The following EPB42 variants were observed in gnomAD, a reference collection of about 807,000 sequenced individuals.
EPB42 encodes erythrocyte membrane protein band 4.2.
In EPB42, 49 loss-of-function variants were observed where a neutral mutation model predicts 76.9. That is an observed-to-expected ratio of 0.64 (90% CI 0.51 to 0.81). EPB42 has a LOEUF of 0.81. Among genes scored for constraint, EPB42 ranks in the 30% least tolerant of loss-of-function variants. The probability of loss-of-function intolerance (pLI) is 0.00; values close to 1 mark genes in which losing one functional copy is unlikely to be tolerated. For missense variants in EPB42, 731 were observed against 867.6 expected, an observed-to-expected ratio of 0.84 and a Z score of 1.98; for synonymous variants, 310 against 338.4, an observed-to-expected ratio of 0.92 and a Z score of 0.92.
At chr15:43,224,257 T>C (rs1041729852), upstream of EPB42, among the ~76,000 whole-genome samples, 1 of 152,208 alleles carries the variant, frequency 6.6e-6, no homozygotes, top group Non-Finnish European at 1.5e-5. Context: ...TCCTATTGGA[T>C]TGAAGCCCAT....
intron 12 of EPB42, among the ~76,000 whole-genome samples, chr15:43,199,998 T>G (rs2042103654): frequency 6.6e-6 from 1 of 152,222 alleles, no homozygotes; most frequent in Non-Finnish European, 1.5e-5. Flanking sequence ...GGGTATGTCT[T>G]TATCAGCAGC....
chr15:43,216,208 G>A (rs2042376207), intron 2 of EPB42, 60 bp downstream of exon 2: 3 of 1,595,778 alleles, frequency 1.9e-6, no homozygotes, highest in Non-Finnish European at 2.6e-6. Flanking sequence ...ACAGGGTGCT[G>A]GAGAGAACAG....
intron 3 of EPB42, among the ~76,000 whole-genome samples, chr15:43,212,011 GAGC>G (rs1345784831): frequency 6.6e-6 from 1 of 151,976 alleles, no homozygotes; most frequent in Non-Finnish European, 1.5e-5. Context: ...AGGTTGCAAT[GAGC>G]TATGATGGTG....
chr15:43,202,988 C>G, intron 11 of EPB42, 127 bp downstream of exon 11: 1 of 1,215,464 alleles, frequency 8.2e-7, no homozygotes. Context: ...GGAAGGAGCT[C>G]TTAAATGTAG....
In EPB42 at chr15:43,211,675, A is replaced by T. The variant is rs1596413262; in HGVS notation, c.431-141T>A. The stretch of plus-strand genomic sequence containing the variant: ...CTGGGCCTAATGAAGACTGAGGAGG[A>T]AGTCCCTCTTTCACTGCCCCCACTG... On this transcript the variant is annotated intron_variant, in intron 3 of 12. Coordinates refer to ENST00000441366, the MANE Select transcript of EPB42 (RefSeq NM_001114134.2). 10 of 719,696 alleles carry T rather than the reference A, an allele frequency of 1.4e-5. No homozygotes were observed. The East Asian group carries it at 2.6e-4, about 19-fold the overall frequency. The allele number at this position is 719,696 out of a possible 1,614,324, so 44.6% of individuals were successfully genotyped here. A position where few individuals can be genotyped will look rare whatever the true frequency, so the allele number is the denominator to read the frequency against.
chr15:43,211,276 G>A (rs1391812097), intron 4 of EPB42, 140 bp downstream of exon 4: 3 of 756,350 alleles, frequency 4.0e-6, no homozygotes, highest in Non-Finnish European at 7.4e-6. Context: ...AGAGGAAGGA[G>A]AGGCACCACA....
Position 43,203,192 on chromosome 15 carries a change from C to A in EPB42, c.1702G>T (p.Ala568Ser). The A allele has an allele frequency of 6.2e-7, 1 of 1,613,830 alleles. No individual in the cohort carries two copies. The highest frequency in any genetic ancestry group is 8.5e-7 in the Non-Finnish European group (1 of 1,179,936). ...CTAAGGTTGGATTCAGAGTGTGTTG[C>A]CATGGCGGTGAGTCTAAGGAAGGTG... is the stretch of plus-strand genomic sequence containing the variant. ...ENTFLRLTAM[A>S]THSESNLSCF... Residue 568 changes from alanine (A) to serine (S), a missense_variant, in exon 11 of 13, where the codon GCA (alanine) becomes TCA (serine). Transcript: ENST00000441366.
At chr15:43,223,300 AGAGT>A (rs1486072935), upstream of EPB42, among the ~76,000 whole-genome samples, 1 of 152,254 alleles carries the variant, frequency 6.6e-6, no homozygotes, top group Non-Finnish European at 1.5e-5. Flanking sequence ...CCTGGGCCAC[AGAGT>A]GAGAATCCGT....
At chr15:43,208,118 C>T in intron 8 of EPB42, 112 bp downstream of exon 8, 2 of 891,378 alleles carry the variant, frequency 2.2e-6, no homozygotes, top group Non-Finnish European at 3.6e-6. Context: ...CGTGCTTCTA[C>T]TGTTTTCGAG....
chr15:43,213,750 C>T (rs1596415397), intron 3 of EPB42, among the ~76,000 whole-genome samples: 1 of 152,250 alleles, frequency 6.6e-6, no homozygotes, highest in Admixed American at 6.5e-5. Flanking sequence ...CATTCAACCA[C>T]GTGGGGCACC....
At position 43,206,041 on chromosome 15, in the gene EPB42, A is replaced by T; in HGVS notation, c.1618+289T>A. ...GGGCAGCTTATTCCAGCCTGGGGGG[A>T]GGTGCTCTCCTGCCACTGTACTCTG... is the stretch of plus-strand genomic sequence containing the variant. On this transcript the variant is annotated intron_variant, in intron 10 of 12. Transcript: ENST00000441366. This position sits in a 1 kb window ranked among gnomAD's most constrained non-coding sequence, Gnocchi z 4.7. 3.0e-6 allele frequency: 1 copy of T among 332,032 alleles called. No individual in the cohort carries two copies. Among genetic ancestry groups the T allele is most frequent in the Non-Finnish European group, 5.5e-6 (1 of 180,700 alleles). 20.6% of individuals were successfully genotyped at this position (332,032 alleles called of 1,614,324 possible). A position where few individuals can be genotyped will look rare whatever the true frequency, so the allele number is the denominator to read the frequency against.
At chr15:43,213,594 G>A (rs1249707643) in intron 3 of EPB42, among the ~76,000 whole-genome samples, 1 of 152,144 alleles carries the variant, frequency 6.6e-6, no homozygotes, top group Non-Finnish European at 1.5e-5. Flanking sequence ...TCTTTATGGC[G>A]GTCACCAGGG....
Position 43,210,325 on chromosome 15 carries a change from T to C in EPB42, c.654+10A>G, listed in dbSNP as rs1158672550. On this transcript the variant is annotated intron_variant, in intron 5 of 12. Transcript: ENST00000441366. ...CCTGCCCCATTCTGGTTCCCCAGCC[T>C]CTCGCTTACCAAGGCACCCAACACA... 5.6e-6 allele frequency: 9 copies of C among 1,612,422 alleles called. No homozygotes were observed. The highest frequency in any genetic ancestry group is 5.1e-6 in the Non-Finnish European group (6 of 1,179,372).
chr15:43,225,612 CGT>C (rs2042501101), upstream of EPB42, among the ~76,000 whole-genome samples: 1 of 152,108 alleles, frequency 6.6e-6, no homozygotes, highest in Non-Finnish European at 1.5e-5. Context: ...TCTATAGACG[CGT>C]CTCTGCCACC....
At chr15:43,202,605 T>C (rs940912750) in intron 11 of EPB42, among the ~76,000 whole-genome samples, 8 of 152,200 alleles carry the variant, frequency 5.3e-5, no homozygotes, top group Admixed American at 3.3e-4. Flanking sequence ...CTAACTAAAC[T>C]ATAACCTGCT....
intron 12 of EPB42, among the ~76,000 whole-genome samples, chr15:43,198,240 T>C (rs1311732873): frequency 6.6e-6 from 1 of 152,060 alleles, no homozygotes; most frequent in East Asian, 1.9e-4. Flanking sequence ...CAGAAGAAGA[T>C]GAAAATGTGG....
rs2042454721 is a variant in EPB42, at chr15:43,221,016, C to T, written c.-191G>A. The T allele has an allele frequency of 1.6e-6, 1 of 634,634 alleles. No individual in the cohort carries two copies. The highest frequency in any genetic ancestry group is 1.8e-5 in the African/African-American group (1 of 55,310). The allele number at this position is 634,634 out of a possible 1,614,324, so 39.3% of individuals were successfully genotyped here. A position where few individuals can be genotyped will look rare whatever the true frequency, so the allele number is the denominator to read the frequency against. ...GAGCACCCTGACATGTTTCTTCTCT[C>T]CTACTCCCTCTCTGCTGGTATCTCC... On this transcript the variant is annotated 5_prime_UTR_variant, in exon 1 of 13. Coordinates refer to ENST00000441366, the MANE Select transcript of EPB42 (RefSeq NM_001114134.2).
intron 12 of EPB42, among the ~76,000 whole-genome samples, chr15:43,198,007 C>G (rs2042070288): frequency 6.6e-6 from 1 of 152,202 alleles, no homozygotes; most frequent in South Asian, 2.1e-4. Flanking sequence ...AGTGCCTTTG[C>G]CTCCTGCCAT....
intron 11 of EPB42, 149 bp from the exon 12 acceptor site, chr15:43,202,126 A>G: frequency 1.8e-6 from 2 of 1,103,388 alleles, no homozygotes; most frequent in Non-Finnish European, 2.7e-6. Flanking sequence ...CTACCGCTCT[A>G]CCTGCTCTTC....
Sources: allele counts gnomAD v4.1 joint callset (sites outside exome capture counted in the v4.1 genomes callset), GRCh38; gene constraint gnomAD v4.1.1; non-coding constraint Gnocchi (gnomAD v3.1); transcripts MANE v1.5; gene names NCBI Gene and HGNC (gene_info 2026-07-23, HGNC 2026-07-21).